INTS10: variants seen among roughly 807,000 people sequenced by gnomAD.
INTS10 encodes chromosome 8 open reading frame 35.
In INTS10, 44 loss-of-function variants were observed where a neutral mutation model predicts 94.4. The ratio of observed to expected loss-of-function variants is 0.47; its 90% CI spans 0.37 to 0.60. The LOEUF is 0.60. INTS10 is among the 20% of genes least tolerant of loss of function. The pLI is 0.00. For missense variants in INTS10, 797 were observed against 868.7 expected, an observed-to-expected ratio of 0.92 and a Z score of 1.04; for synonymous variants, 341 against 320.7, an observed-to-expected ratio of 1.06 and a Z score of -0.68.
chr8:19,849,154 T>C lies in INTS10; in HGVS notation c.1977-2495T>C. On this transcript the variant is annotated intron_variant, in intron 16 of 16. Transcript: ENST00000397977. The surrounding 1 kb of genome is among the most constrained non-coding windows in gnomAD (Gnocchi z 4.6). ...TGTTTGAATGCTGCTGTTTGCTGTT[T>C]TTTAAAGGCCTTCTAGCCCTCCCAT... 1 of 1,287,022 alleles carries C rather than the reference T, an allele frequency of 7.8e-7. No homozygotes were observed. The highest frequency in any genetic ancestry group is 1.2e-5 in the South Asian group (1 of 80,974). The allele number at this position is 1,287,022 out of a possible 1,614,324, so 79.7% of individuals were successfully genotyped here. A position where few individuals can be genotyped will look rare whatever the true frequency, so the allele number is the denominator to read the frequency against.
intron 9 of INTS10, among the ~76,000 whole-genome samples, chr8:19,829,025 G>A (rs1230233409): frequency 6.6e-6 from 1 of 152,212 alleles, no homozygotes; most frequent in Non-Finnish European, 1.5e-5. Context: ...GGGCAGTGGA[G>A]GGAGGTGCTG....
intron 11 of INTS10, 121 bp downstream of exon 11, chr8:19,832,231 CCTGTT>C (rs2067287537): frequency 6.1e-6 from 4 of 658,298 alleles, no homozygotes; most frequent in Non-Finnish European, 1.1e-5. Flanking sequence ...CCTCCTGACA[CCTGTT>C]CTGTTTTCAG....
At chr8:19,839,968 T>G (rs561767033) in intron 13 of INTS10, among the ~76,000 whole-genome samples, 1 of 141,862 alleles carries the variant, frequency 7.0e-6, no homozygotes, top group Non-Finnish European at 1.5e-5. Flanking sequence ...GAGGTTGAGG[T>G]GGGAGAATCA....
intron 8 of INTS10, 38 bp from the exon 9 acceptor site, chr8:19,826,388 C>T (rs2066792976): frequency 1.9e-6 from 3 of 1,577,382 alleles, no homozygotes; most frequent in Non-Finnish European, 1.7e-6. Flanking sequence ...GGCCTCCTTG[C>T]TGCACTGGTA....
chr8:19,829,426 C>T (rs1254174838), intron 9 of INTS10, among the ~76,000 whole-genome samples: 1 of 151,456 alleles, frequency 6.6e-6, no homozygotes, highest in African/African-American at 2.4e-5. Flanking sequence ...TTGCCTTTCT[C>T]TGTAGCCTTC....
At chr8:19,848,084 T>G (rs1039642054) in intron 16 of INTS10, among the ~76,000 whole-genome samples, 3 of 152,218 alleles carry the variant, frequency 2.0e-5, no homozygotes, top group Non-Finnish European at 4.4e-5. Flanking sequence ...TAAATTAACA[T>G]GGTAGAAAGC....
At chr8:19,817,778 G>C (rs1314724261) in intron 1 of INTS10, 112 bp downstream of exon 1, 1 of 1,386,720 alleles carries the variant, frequency 7.2e-7, no homozygotes, top group Non-Finnish European at 9.7e-7. Context: ...CTCCTGCCCG[G>C]CCCCCTGCTT....
At chr8:19,837,749 G>C (rs1018269901) in intron 13 of INTS10, among the ~76,000 whole-genome samples, 3 of 151,678 alleles carry the variant, frequency 2.0e-5, no homozygotes, top group African/African-American at 7.3e-5. Context: ...TGACAGGAAA[G>C]AATAATGCTA....
At chr8:19,841,009 T>C (rs1006588097) in intron 13 of INTS10, among the ~76,000 whole-genome samples, 4 of 152,200 alleles carry the variant, frequency 2.6e-5, no homozygotes, top group Non-Finnish European at 5.9e-5. Context: ...CCTAGCTGAC[T>C]TCAAGACTTA....
At chr8:19,823,847 T>C in intron 6 of INTS10, 26 bp from the exon 7 acceptor site, 1 of 1,555,470 alleles carries the variant, frequency 6.4e-7, no homozygotes, top group Non-Finnish European at 8.7e-7. Context: ...ATGTTAATTG[T>C]AGGCTACTTT....
intron 16 of INTS10, among the ~76,000 whole-genome samples, chr8:19,848,474 T>C (rs1038524044): frequency 8.5e-5 from 13 of 152,172 alleles, no homozygotes; most frequent in African/African-American, 3.1e-4. Context: ...TTAGAGTGGA[T>C]TAAAATGGAA....
chr8:19,841,397 T>C (rs2068113036), intron 13 of INTS10, among the ~76,000 whole-genome samples: 1 of 152,110 alleles, frequency 6.6e-6, no homozygotes, highest in Non-Finnish European at 1.5e-5. Context: ...TGCCAGAAAA[T>C]TGTCTATCAC....
rs1392088393 is a variant in INTS10, at chr8:19,818,323, G to A, written c.178G>A (p.Gly60Arg). Residue 60 changes from glycine to arginine, a missense_variant, in exon 2 of 17, where the codon GGG becomes AGG. Coordinates refer to ENST00000397977, the MANE Select transcript of INTS10 (RefSeq NM_018142.4). ...GAATGCAGAGCGGACCGCCACCGCC[G>A]GGAGGCTGCTGTACGACATGTGAGT... ...ERNAERTATA[G>R]RLLYDMFVNF... 4.3e-6 allele frequency: 7 copies of A among 1,614,170 alleles called. No homozygotes were observed. Among genetic ancestry groups the A allele is most frequent in the Non-Finnish European group, 5.1e-6 (6 of 1,180,032 alleles).
At chr8:19,844,977 A>ACTATG (rs1367579745) in intron 15 of INTS10, among the ~76,000 whole-genome samples, 1 of 151,970 alleles carries the variant, frequency 6.6e-6, no homozygotes, top group Non-Finnish European at 1.5e-5. Context: ...AGCTCACTGC[A>ACTATG]GTCTTAAACT....
chr8:19,828,437 C>T (rs6980875), intron 9 of INTS10, among the ~76,000 whole-genome samples: 97,691 of 152,052 alleles, frequency 0.64, 31,479 homozygotes, highest in South Asian at 0.67. Flanking sequence ...GCATCTGTCC[C>T]CCACCTGCTG....
At chr8:19,850,824 G>A (rs1287007138) in intron 16 of INTS10, among the ~76,000 whole-genome samples, 3 of 152,046 alleles carry the variant, frequency 2.0e-5, no homozygotes, top group Non-Finnish European at 4.4e-5. Context: ...CGTTTCCTGG[G>A]ATTTCATGTG....
chr8:19,827,805 T>C (rs1043606593), intron 9 of INTS10, among the ~76,000 whole-genome samples: 18 of 152,228 alleles, frequency 1.2e-4, no homozygotes, highest in Non-Finnish European at 2.5e-4. Context: ...ATTCTATCCC[T>C]GAGTCTGCCC....
rs374552952 is a variant in INTS10, at chr8:19,844,102, C to G, written c.1746C>G (p.Asp582Glu). 3 of 1,611,024 alleles carry G rather than the reference C, an allele frequency of 1.9e-6. No individual in the cohort carries two copies. In the African/African-American group the frequency reaches 4.0e-5, roughly 22 times the overall value. Reference sequence around the variant, plus strand: ...TTAGAGCTTTCACAGACAACAGAGACGACATGGCATTGGGGCATGTGATTG... The same window carrying G: ...TTAGAGCTTTCACAGACAACAGAGAGGACATGGCATTGGGGCATGTGATTG... ...FKLRAFTDNR[D>E]DMALGHVIVL... Residue 582 changes from aspartate (D) to glutamate (E), a missense_variant, in exon 15 of 17, where the codon GAC becomes GAG. Asp to Glu is a conservative substitution (Grantham distance 45, BLOSUM62 2). This residue lies in a region of INTS10 where 734 missense variants were observed against 787.8 expected (regional missense o/e 0.93). Transcript: ENST00000397977.
intron 2 of INTS10, chr8:19,818,872 C>G (rs1409274212): frequency 6.5e-6 from 1 of 152,712 alleles, no homozygotes; most frequent in African/African-American, 2.4e-5. Flanking sequence ...ATTTCGTAGA[C>G]ACTCTCTTCT....
Sources: gnomAD v4.1 joint callset for allele counts (sites outside exome capture counted in the v4.1 genomes callset) on GRCh38, gnomAD v4.1.1 for gene constraint, gnomAD v4.1.1 regional missense constraint, Gnocchi (gnomAD v3.1) non-coding constraint, MANE v1.5 for transcripts, NCBI Gene and HGNC (gene_info 2026-07-23, HGNC 2026-07-21) for gene names.